The following DNER variants were observed in gnomAD, a reference collection of about 807,000 sequenced individuals.
The protein encoded by DNER is delta/notch like EGF repeat containing.
In DNER, 33 loss-of-function variants were observed where a neutral mutation model predicts 78.2. That is an observed-to-expected ratio of 0.42 (90% CI 0.32 to 0.56). DNER has a LOEUF of 0.56. Among genes scored for constraint, DNER ranks in the 20% least tolerant of loss-of-function variants. The pLI, the probability that DNER is intolerant of heterozygous loss-of-function variation, is 0.11. For synonymous variants in DNER, 417 were observed against 384.8 expected, an observed-to-expected ratio of 1.08 and a Z score of -0.98; for missense variants, 918 against 975.3, an observed-to-expected ratio of 0.94 and a Z score of 0.78.
intron 4 of DNER, among the ~76,000 whole-genome samples, chr2:229,581,526 A>T (rs1697396760): frequency 6.6e-6 from 1 of 152,234 alleles, no homozygotes; most frequent in African/African-American, 2.4e-5. Flanking sequence ...AAGAGTCGAA[A>T]TTTGGTGGCA....
chr2:229,640,015 A>C (rs939355029), intron 1 of DNER, among the ~76,000 whole-genome samples: 8 of 152,218 alleles, frequency 5.3e-5, no homozygotes, highest in African/African-American at 1.9e-4. Flanking sequence ...TGTACTGAGA[A>C]AGGGAAACAT....
chr2:229,500,403 G>A (rs1160246949), intron 6 of DNER, among the ~76,000 whole-genome samples: 6 of 152,200 alleles, frequency 3.9e-5, no homozygotes. Context: ...TGTTGGTGAG[G>A]ATGTGGAGGA....
chr2:229,440,962 T>A (rs919362291), intron 8 of DNER, among the ~76,000 whole-genome samples: 1 of 152,222 alleles, frequency 6.6e-6, no homozygotes, highest in African/African-American at 2.4e-5. Flanking sequence ...ATATGCCAAA[T>A]ACTATGAGAA....
At chr2:229,659,933 A>G (rs1245092619) in intron 1 of DNER, among the ~76,000 whole-genome samples, 1 of 152,174 alleles carries the variant, frequency 6.6e-6, no homozygotes, top group African/African-American at 2.4e-5. Context: ...ATGTTAATAG[A>G]ATATAACTGC....
chr2:229,362,680 A>G (rs1366986105), intron 12 of DNER, among the ~76,000 whole-genome samples: 1 of 152,228 alleles, frequency 6.6e-6, no homozygotes, highest in African/African-American at 2.4e-5. Flanking sequence ...TTTGTGAATG[A>G]TTTAGCACAG....
chr2:229,552,458 C>T (rs189577890), intron 4 of DNER, among the ~76,000 whole-genome samples: 5 of 152,294 alleles, frequency 3.3e-5, no homozygotes, highest in South Asian at 2.1e-4. Context: ...ATAAGCCCCA[C>T]GTGTGGTGGG....
At chr2:229,375,689 C>T (rs1692581924) in intron 11 of DNER, among the ~76,000 whole-genome samples, 1 of 152,166 alleles carries the variant, frequency 6.6e-6, no homozygotes, top group Non-Finnish European at 1.5e-5. Flanking sequence ...ATATTAAATG[C>T]AAAAACCCTT....
In DNER at chr2:229,707,046, C is replaced by T. The variant is rs113570132; in HGVS notation, c.276+7102G>A. Among the ~76,000 whole-genome samples, 5 of 152,150 alleles carry T rather than the reference C, an allele frequency of 3.3e-5. 1 individual carries two copies. The highest frequency in any genetic ancestry group is 1.2e-4 in the African/African-American group (5 of 41,506). On this transcript the variant is annotated intron_variant, in intron 1 of 12. Transcript: ENST00000341772. ...TTTTTTTTCCCCCGAGACAGAGTCTCGCTTCAGCCCAGGCTGGAGTGCAGT... is the reference window on the plus strand; with the variant it reads ...TTTTTTTTCCCCCGAGACAGAGTCTTGCTTCAGCCCAGGCTGGAGTGCAGT...
chr2:229,441,526 A>C (rs115261213), intron 8 of DNER, among the ~76,000 whole-genome samples: 70 of 152,220 alleles, frequency 4.6e-4, no homozygotes, highest in African/African-American at 1.6e-3. Flanking sequence ...TTCACTCTAG[A>C]GTGAATGCTG....
chr2:229,538,684 A>G (rs1465893427), intron 5 of DNER, among the ~76,000 whole-genome samples: 1 of 152,096 alleles, frequency 6.6e-6, no homozygotes, highest in Non-Finnish European at 1.5e-5. Context: ...ATTATGTCAC[A>G]TAGGTATCAT....
At chr2:229,644,312 T>A (rs1015987516) in intron 1 of DNER, among the ~76,000 whole-genome samples, 2 of 150,778 alleles carry the variant, frequency 1.3e-5, no homozygotes, top group African/African-American at 4.9e-5. Context: ...ATCCATCAAG[T>A]ATGATGACTG....
chr2:229,586,341 G>A (rs187416134), intron 3 of DNER, among the ~76,000 whole-genome samples: 1 of 151,352 alleles, frequency 6.6e-6, no homozygotes, highest in East Asian at 1.9e-4. Context: ...GCTTAAATTT[G>A]TCATAAACGT....
intron 5 of DNER, among the ~76,000 whole-genome samples, chr2:229,516,800 A>AAAAGAAAAGAAAAG (rs1553536933): frequency 8.4e-5 from 11 of 131,262 alleles, no homozygotes; most frequent in African/African-American, 3.4e-4. Context: ...AAAAAAAAAA[A>AAAAGAAAAGAAAAG]AAAAGAAAAG....
Position 229,546,934 on chromosome 2 carries a change from G to T in DNER, c.993+13C>A. ...AAATATGTGTATTTACAAGCTACCAGGCATCCCCTTACCTCTGACGGCTTC... is the reference window on the plus strand; with the variant it reads ...AAATATGTGTATTTACAAGCTACCATGCATCCCCTTACCTCTGACGGCTTC... On this transcript the variant is annotated intron_variant, in intron 5 of 12. Transcript: ENST00000341772. 6.2e-7 allele frequency: 1 copy of T among 1,613,916 alleles called. No individual in the cohort carries two copies. The highest frequency in any genetic ancestry group is 8.5e-7 in the Non-Finnish European group (1 of 1,179,952).
intron 1 of DNER, among the ~76,000 whole-genome samples, chr2:229,605,207 T>C (rs916110220): frequency 2.0e-5 from 3 of 152,090 alleles, no homozygotes; most frequent in East Asian, 3.9e-4. Flanking sequence ...CAGTCATGGA[T>C]TGTGAAGCAG....
intron 1 of DNER, among the ~76,000 whole-genome samples, chr2:229,617,237 G>A (rs1348812393): frequency 6.6e-6 from 1 of 152,108 alleles, no homozygotes; most frequent in Non-Finnish European, 1.5e-5. Context: ...CCAGAACAGA[G>A]ATTATGACAT....
intron 5 of DNER, among the ~76,000 whole-genome samples, chr2:229,545,374 A>G (rs1303943764): frequency 6.6e-6 from 1 of 152,082 alleles, no homozygotes; most frequent in Non-Finnish European, 1.5e-5. Context: ...CAGGAGTTTG[A>G]GACCAGCCTG....
At chr2:229,408,745 G>A (rs1693443165) in intron 9 of DNER, among the ~76,000 whole-genome samples, 1 of 152,178 alleles carries the variant, frequency 6.6e-6, no homozygotes, top group African/African-American at 2.4e-5. Context: ...AGAGAAAATA[G>A]AAATGGAACT....
chr2:229,633,326 C>A (rs1698472285), intron 1 of DNER, among the ~76,000 whole-genome samples: 1 of 152,184 alleles, frequency 6.6e-6, no homozygotes, highest in East Asian at 1.9e-4. Context: ...GATATAAAAT[C>A]ATTCACCTAT....
Sources: allele counts gnomAD v4.1 joint callset (sites outside exome capture counted in the v4.1 genomes callset), GRCh38; gene constraint gnomAD v4.1.1; transcripts MANE v1.5; gene names NCBI Gene and HGNC (gene_info 2026-07-23, HGNC 2026-07-21).